KCNIP4: variants seen among roughly 807,000 people sequenced by gnomAD.
KCNIP4 encodes the protein potassium voltage-gated channel interacting protein 4.
A neutral mutation model predicts 34.0 loss-of-function variants in KCNIP4; 12 were observed. The observed-to-expected ratio is 0.35, with a 90% CI of 0.23 to 0.57. The LOEUF is 0.57. Among genes scored for constraint, KCNIP4 ranks in the 20% least tolerant of loss-of-function variants. The pLI is 0.83. For synonymous variants in KCNIP4, 124 were observed against 102.2 expected (o/e 1.21, Z -1.29); for missense variants, 238 against 311.7 (o/e 0.76, Z 1.78).
At chr4:21,380,461 GA>G (rs1721391620) in intron 1 of KCNIP4, among the ~76,000 whole-genome samples, 1 of 144,860 alleles carries the variant, frequency 6.9e-6, no homozygotes, top group South Asian at 2.2e-4. Context: ...GAGAGGGGGA[GA>G]GAGAGAGAGA....
intron 2 of KCNIP4, among the ~76,000 whole-genome samples, chr4:20,868,485 T>C (rs1455513609): frequency 1.3e-5 from 2 of 152,116 alleles, no homozygotes; most frequent in Non-Finnish European, 2.9e-5. Context: ...ATCACATTAC[T>C]GGGTACACAC....
rs1335449942 is a variant in KCNIP4, at chr4:20,732,712, G to A, written c.611C>T (p.Ala204Val). The change falls in exon 7 of 9, where the codon GCT becomes GTT. Residue 204 changes from alanine (A) to valine (V), a missense_variant. Physicochemically the swap from Ala to Val is moderately conservative, Grantham distance 64. Coordinates refer to ENST00000382152, the MANE Select transcript of KCNIP4 (RefSeq NM_025221.6). ...KCTYPVLKED[A>V]PRQHVETFFQ... ...AAATGTTTCAACGTGTTGTCTGGGA[G>A]CATCTTCTTTGAGGACAGGATATGT... 5 of 1,611,756 alleles carry A rather than the reference G, an allele frequency of 3.1e-6. No homozygotes were observed. The highest frequency in any genetic ancestry group is 4.2e-6 in the Non-Finnish European group (5 of 1,178,262).
rs150133649 is a variant in KCNIP4 at position 20,814,522 on chromosome 4, A to G, written c.288+36021T>C. On this transcript the variant is annotated intron_variant, in intron 3 of 8. Transcript: ENST00000382152. ...TCAGGTGCTAGACGTTCCTGGGTTT[A>G]TTCTAGGCTCTGCCTCATATTAGTT... Among the ~76,000 whole-genome samples, 1,392 of 152,302 alleles carry G rather than the reference A, an allele frequency of 9.1e-3. 5 individuals are homozygous for G. Among genetic ancestry groups the G allele is most frequent in the Middle Eastern group, 0.017 (5 of 294 alleles).
intron 1 of KCNIP4, among the ~76,000 whole-genome samples, chr4:21,203,027 C>T (rs1014157575): frequency 2.5e-4 from 38 of 152,216 alleles, no homozygotes; most frequent in African/African-American, 8.0e-4. Context: ...TCACATCCTC[C>T]ACAAATAACG....
chr4:21,316,685 C>A (rs958988352), intron 1 of KCNIP4, among the ~76,000 whole-genome samples: 1 of 152,160 alleles, frequency 6.6e-6, no homozygotes, highest in South Asian at 2.1e-4. Context: ...GCTTAACCAG[C>A]AAAATAGCTA....
intron 1 of KCNIP4, among the ~76,000 whole-genome samples, chr4:21,108,533 T>G (rs1416686319): frequency 6.6e-6 from 1 of 151,570 alleles, no homozygotes; most frequent in Non-Finnish European, 1.5e-5. Flanking sequence ...CTTCTTTGCC[T>G]TTGGTTTGAA....
intron 1 of KCNIP4, among the ~76,000 whole-genome samples, chr4:21,878,715 A>G (rs1305864093): frequency 1.3e-5 from 2 of 152,236 alleles, no homozygotes; most frequent in African/African-American, 4.8e-5. Flanking sequence ...TCTGGACAAC[A>G]TGAACACAAA....
chr4:21,939,910 A>G (rs2109018231), intron 1 of KCNIP4, among the ~76,000 whole-genome samples: 1 of 152,258 alleles, frequency 6.6e-6, no homozygotes, highest in Admixed American at 6.5e-5. Flanking sequence ...ATTAAGTTTA[A>G]AAATTAGAGA....
At position 21,392,827 on chromosome 4, in the gene KCNIP4, G is replaced by A. The variant is rs188671793; in HGVS notation, c.62-510118C>T. ...AATGACGGTCACTAATTAAGAGACC[G>A]AAACAAACAAAAGACTAACAAAACA... On this transcript the variant is annotated intron_variant, in intron 1 of 8. Transcript: ENST00000382152. Among the ~76,000 whole-genome samples the A allele has an allele frequency of 3.4e-3, 514 of 152,230 alleles. 2 individuals carry two copies. The highest frequency in any genetic ancestry group is 0.012 in the African/African-American group (499 of 41,540).
intron 1 of KCNIP4, among the ~76,000 whole-genome samples, chr4:21,461,290 T>G (rs1286059485): frequency 6.6e-6 from 1 of 152,008 alleles, no homozygotes; most frequent in African/African-American, 2.4e-5. Flanking sequence ...GATTGTAAGT[T>G]TCCTGAGGCC....
chr4:20,900,093 G>T (rs1212425278), intron 1 of KCNIP4, among the ~76,000 whole-genome samples: 2 of 152,058 alleles, frequency 1.3e-5, no homozygotes, highest in Non-Finnish European at 2.9e-5. Context: ...TCACTCTGGG[G>T]GCTAATCCTG....
At chr4:21,481,120 G>C (rs16871135) in intron 1 of KCNIP4, among the ~76,000 whole-genome samples, 98,765 of 151,964 alleles carry the variant, frequency 0.65, 32,347 homozygotes, top group Non-Finnish European at 0.68. Context: ...GTTGAAATTA[G>C]TATAGGAAGT....
intron 1 of KCNIP4, among the ~76,000 whole-genome samples, chr4:21,259,648 A>G (rs771924264): frequency 3.9e-5 from 6 of 152,198 alleles, no homozygotes; most frequent in Non-Finnish European, 7.3e-5. Context: ...GGATACAGCA[A>G]TGAAGAAAAG....
intron 2 of KCNIP4, among the ~76,000 whole-genome samples, chr4:20,863,443 C>A (rs1362036817): frequency 6.6e-6 from 1 of 152,100 alleles, no homozygotes; most frequent in Non-Finnish European, 1.5e-5. Flanking sequence ...TCCCCAGGAG[C>A]AATTTGGGGA....
chr4:21,137,701 C>T (rs4263402), intron 1 of KCNIP4, among the ~76,000 whole-genome samples: 97,200 of 151,746 alleles, frequency 0.64, 31,662 homozygotes, highest in African/African-American at 0.75. Flanking sequence ...TGGTAAAATA[C>T]AGTTATGATG....
At chr4:21,041,620 G>A (rs73101727) in intron 1 of KCNIP4, among the ~76,000 whole-genome samples, 19,475 of 152,164 alleles carry the variant, frequency 0.13, 1,494 homozygotes, top group African/African-American at 0.21. Context: ...GTTTGTTGCT[G>A]AGCACAATTT....
intron 1 of KCNIP4, among the ~76,000 whole-genome samples, chr4:21,839,961 C>A (rs141708641): frequency 2.6e-3 from 389 of 152,096 alleles, no homozygotes; most frequent in African/African-American, 9.0e-3. Flanking sequence ...CTACATCTTG[C>A]CACTCTCATG....
chr4:21,528,811 G>T lies in KCNIP4; in HGVS notation c.61+419760C>A, dbSNP rs1401288387. The stretch of plus-strand genomic sequence containing the variant: ...AGGAAGAAAGGAAGAAAGGAAGGAA[G>T]GAAGGAAGGAAGGAAGGAAGGAAGG... On this transcript the variant is annotated intron_variant, in intron 1 of 8. Coordinates refer to ENST00000382152, the MANE Select transcript of KCNIP4 (RefSeq NM_025221.6). Among the ~76,000 whole-genome samples, 2 of 80,244 alleles carry T rather than the reference G, an allele frequency of 2.5e-5. 1 individual carries two copies. The highest frequency in any genetic ancestry group is 9.6e-4 in the South Asian group (2 of 2,090). 52.6% of individuals were successfully genotyped at this position (80,244 alleles called of 152,430 possible). A position where few individuals can be genotyped will look rare whatever the true frequency, so the allele number is the denominator to read the frequency against.
chr4:21,184,290 A>G (rs1470508765), intron 1 of KCNIP4, among the ~76,000 whole-genome samples: 9 of 152,208 alleles, frequency 5.9e-5, no homozygotes, highest in Admixed American at 5.9e-4. Flanking sequence ...CACTAAATAA[A>G]TTGTTATTAT....
Sources: allele counts gnomAD v4.1 joint callset (sites outside exome capture counted in the v4.1 genomes callset), GRCh38; gene constraint gnomAD v4.1.1; transcripts MANE v1.5; gene names NCBI Gene and HGNC (gene_info 2026-07-23, HGNC 2026-07-21).